Variants in DNAH11 observed in about 807,000 individuals in gnomAD.
The protein encoded by DNAH11 is axonemal beta dynein heavy chain 11.
Under a neutral mutation model 526.0 loss-of-function variants are expected in DNAH11, and 442 were observed. The observed-to-expected ratio is 0.84, with a 90% CI of 0.78 to 0.91. The LOEUF is 0.91. Among genes scored for constraint, DNAH11 ranks in the 40% least tolerant of loss-of-function variants. The pLI is 0.00. For synonymous variants in DNAH11, 2,461 were observed against 1,935.9 expected (o/e 1.27, Z -7.12); for missense variants, 6,989 against 5,448.7 (o/e 1.28, Z -8.90).
In DNAH11 at chr7:21,725,834, C is replaced by T. The variant is rs12536928; in HGVS notation, c.7290C>T (p.Phe2430=). The T allele has an allele frequency of 0.49, 794,590 of 1,609,990 alleles. 201,438 individuals are homozygous for T. Among genetic ancestry groups the T allele is most frequent in the South Asian group, 0.53 (48,042 of 90,236 alleles). The change falls in exon 45 of 82, where the codon TTC becomes TTT. Residue 2430 remains phenylalanine (F), a synonymous_variant. Transcript: ENST00000409508. ...AGATTTCTGATTATCAAGCTGACTT[C>T]AGTCGGTGGTGGCAGAAAGAGATGA... The part of the protein sequence containing the change: ...QDQISDYQAD[F]SRWWQKEMKA...
chr7:21,599,662 T>G (rs2128446479), intron 14 of DNAH11, 125 bp from the exon 15 acceptor site: 1 of 655,222 alleles, frequency 1.5e-6, no homozygotes, highest in Non-Finnish European at 2.3e-6. Flanking sequence ...AACTTAGTAT[T>G]TGAATGTTCC....
chr7:21,795,189 T>A (rs6949253), intron 61 of DNAH11, among the ~76,000 whole-genome samples: 222 of 152,330 alleles, frequency 1.5e-3, no homozygotes, highest in African/African-American at 5.1e-3. Context: ...CATTTAACAT[T>A]TAAAAATGTA....
At chr7:21,787,634 A>C in intron 60 of DNAH11, 51 bp downstream of exon 60, 9 of 1,466,302 alleles carry the variant, frequency 6.1e-6, no homozygotes, top group Non-Finnish European at 8.2e-6. Flanking sequence ...AAGGGCTGCA[A>C]ACACATCAAT....
intron 46 of DNAH11, among the ~76,000 whole-genome samples, chr7:21,736,792 C>G (rs540182765): frequency 1.3e-5 from 2 of 152,092 alleles, no homozygotes; most frequent in Non-Finnish European, 2.9e-5. Flanking sequence ...AGTTTGAGTC[C>G]AGCCCGGGCA....
At chr7:21,803,455 G>T (rs1394106115) in intron 62 of DNAH11, among the ~76,000 whole-genome samples, 8 of 152,182 alleles carry the variant, frequency 5.3e-5, no homozygotes, top group Non-Finnish European at 8.8e-5. Flanking sequence ...AGACAGTAGA[G>T]AAAGGGAACA....
At chr7:21,851,422 G>A in intron 66 of DNAH11, 1 of 365,132 alleles carries the variant, frequency 2.7e-6, no homozygotes, top group Non-Finnish European at 5.5e-6. Context: ...ATCGCACCTT[G>A]AGAGCAGATT....
chr7:21,870,293 G>C (rs1783446656), intron 73 of DNAH11, among the ~76,000 whole-genome samples: 1 of 152,030 alleles, frequency 6.6e-6, no homozygotes, highest in Non-Finnish European at 1.5e-5. Flanking sequence ...CGGTGCCTTT[G>C]GCATTTCTGC....
intron 25 of DNAH11, among the ~76,000 whole-genome samples, chr7:21,626,234 T>C (rs1269489553): frequency 1.3e-5 from 2 of 152,212 alleles, no homozygotes; most frequent in Non-Finnish European, 2.9e-5. Flanking sequence ...TATGCTTGCC[T>C]TATTTCACTT....
At chr7:21,677,061 G>A (rs1279267323) in intron 30 of DNAH11, among the ~76,000 whole-genome samples, 1 of 152,190 alleles carries the variant, frequency 6.6e-6, no homozygotes, top group Admixed American at 6.5e-5. Context: ...AGGGGATGAT[G>A]AGCAGTGAAC....
rs951960853 is a variant in DNAH11 at position 21,591,724 on chromosome 7, A to C, written c.2667+147A>C. ...ATTATTAGGCATTTAAAGTGGAGGAATTTGTGTTACTTGCCTGCAATTTCT... is the reference window on the plus strand; with the variant it reads ...ATTATTAGGCATTTAAAGTGGAGGACTTTGTGTTACTTGCCTGCAATTTCT... On this transcript the variant is annotated intron_variant, in intron 14 of 81. Coordinates refer to ENST00000409508, the MANE Select transcript of DNAH11 (RefSeq NM_001277115.2). 22 of 794,644 alleles carry C rather than the reference A, an allele frequency of 2.8e-5. No individual in the cohort carries two copies. The African/African-American group carries it at 3.5e-4, about 13-fold the overall frequency. 49.2% of individuals were successfully genotyped at this position (794,644 alleles called of 1,614,324 possible). A position where few individuals can be genotyped will look rare whatever the true frequency, so the allele number is the denominator to read the frequency against.
At chr7:21,569,095 C>T (rs1281565466) in intron 6 of DNAH11, among the ~76,000 whole-genome samples, 1 of 152,130 alleles carries the variant, frequency 6.6e-6, no homozygotes, top group Non-Finnish European at 1.5e-5. Flanking sequence ...CTTACAAATT[C>T]ATGGCACAGA....
At chr7:21,759,895 T>C (rs1786820871) in intron 54 of DNAH11, among the ~76,000 whole-genome samples, 1 of 152,136 alleles carries the variant, frequency 6.6e-6, no homozygotes, top group Non-Finnish European at 1.5e-5. Context: ...AATAGAAAAT[T>C]CTATGGTATG....
Position 21,601,563 on chromosome 7 carries a change from C to G in DNAH11, c.3593C>G (p.Thr1198Ser). The G allele has an allele frequency of 6.2e-7, 1 of 1,609,950 alleles. No individual in the cohort carries two copies. Among genetic ancestry groups the G allele is most frequent in the East Asian group, 2.2e-5 (1 of 44,746 alleles). ...ELFEPLKETITLLESYGQKMP... is the reference protein window; with the variant it reads ...ELFEPLKETISLLESYGQKMP... ...TTTGAACCTCTAAAAGAAACGATCA[C>G]CCTCTTGGAAAGCTATGGCCAGAAG... Residue 1198 changes from threonine (T) to serine (S), a missense_variant, in exon 18 of 82, where the codon ACC (threonine) becomes AGC (serine). Physicochemically the swap from Thr to Ser is moderately conservative, Grantham distance 58. Coordinates refer to ENST00000409508, the MANE Select transcript of DNAH11 (RefSeq NM_001277115.2).
intron 53 of DNAH11, 79 bp downstream of exon 53, chr7:21,749,880 A>G: frequency 6.3e-7 from 1 of 1,585,194 alleles, no homozygotes. Flanking sequence ...TTAAAGAGAG[A>G]GAATTCGTCT....
In DNAH11 at chr7:21,852,647, G is replaced by A; in HGVS notation, c.11061+16G>A. The A allele has an allele frequency of 6.4e-7, 1 of 1,559,000 alleles. No individual in the cohort carries two copies. Among genetic ancestry groups the A allele is most frequent in the East Asian group, 2.3e-5 (1 of 44,424 alleles). On this transcript the variant is annotated intron_variant, in intron 67 of 81. Transcript: ENST00000409508. Reference sequence around the variant, plus strand: ...AGAGCACAAGGTAGGAAGGGCAGAGGGTGCCTGGCAGATTCTAATGCTCTG... The same window carrying A: ...AGAGCACAAGGTAGGAAGGGCAGAGAGTGCCTGGCAGATTCTAATGCTCTG...
intron 64 of DNAH11, 149 bp downstream of exon 64, chr7:21,816,851 T>C (rs1188835586): frequency 1.0e-5 from 7 of 680,220 alleles, no homozygotes; most frequent in East Asian, 8.2e-5. Flanking sequence ...TCATGTTTCA[T>C]ATAAAGTATC....
intron 77 of DNAH11, 84 bp from the exon 78 acceptor site, chr7:21,894,539 A>G (rs1401384578): frequency 1.4e-6 from 2 of 1,394,826 alleles, no homozygotes; most frequent in African/African-American, 2.9e-5. Context: ...ATATTCTGTA[A>G]CTTCAAAAAG....
At chr7:21,561,303 A>T in intron 5 of DNAH11, 133 bp downstream of exon 5, 1 of 671,194 alleles carries the variant, frequency 1.5e-6, no homozygotes, top group Non-Finnish European at 2.6e-6. Flanking sequence ...CTAATGATAA[A>T]TTCATCTCAC....
intron 14 of DNAH11, among the ~76,000 whole-genome samples, chr7:21,595,473 A>G (rs996206087): frequency 6.6e-6 from 1 of 152,226 alleles, no homozygotes; most frequent in African/African-American, 2.4e-5. Flanking sequence ...AATTAAGTGG[A>G]GCAAACAGAG....
Sources: gnomAD v4.1 joint callset for allele counts (sites outside exome capture counted in the v4.1 genomes callset) on GRCh38, gnomAD v4.1.1 for gene constraint, MANE v1.5 for transcripts, NCBI Gene and HGNC (gene_info 2026-07-23, HGNC 2026-07-21) for gene names.